Variants in C6 observed in about 807,000 individuals in gnomAD.
C6 encodes complement component C6.
Under a neutral mutation model 112.9 loss-of-function variants are expected in C6, and 101 were observed. The ratio of observed to expected loss-of-function variants is 0.89; its 90% CI spans 0.76 to 1.06. The LOEUF (loss-of-function observed/expected upper bound fraction) is 1.06, where lower values mean the gene tolerates loss of function less well. Ranked by LOEUF, C6 falls within the 50% of genes least tolerant of loss-of-function variation. C6 has a pLI of 0.00. For missense variants in C6, 1,202 were observed against 1,104.6 expected (o/e 1.09, Z -1.25); for synonymous variants, 431 against 384.1 (o/e 1.12, Z -1.43).
At chr5:41,244,217 A>G (rs936770975) in intron 1 of C6, among the ~76,000 whole-genome samples, 5 of 152,246 alleles carry the variant, frequency 3.3e-5, no homozygotes, top group African/African-American at 1.2e-4. Flanking sequence ...ATAACTTATT[A>G]TAAGTTCCTC....
At chr5:41,236,261 G>A (rs1740293308) in intron 1 of C6, among the ~76,000 whole-genome samples, 1 of 103,140 alleles carries the variant, frequency 9.7e-6, no homozygotes, top group Non-Finnish European at 1.9e-5. Context: ...TGTATAAGGT[G>A]TAAGGAAGGG....
At chr5:41,144,343 C>T (rs1372766597) in intron 17 of C6, among the ~76,000 whole-genome samples, 1 of 152,124 alleles carries the variant, frequency 6.6e-6, no homozygotes, top group East Asian at 1.9e-4. Flanking sequence ...TCATGGCTCA[C>T]TGCACCCTCG....
chr5:41,217,196 G>A (rs11959515), upstream of C6, among the ~76,000 whole-genome samples: 1 of 151,820 alleles, frequency 6.6e-6, no homozygotes, highest in Non-Finnish European at 1.5e-5. Flanking sequence ...TCACACTTTA[G>A]ATCAGATGCT....
Position 41,142,570 on chromosome 5 carries a change from A to G in C6, c.*255T>C. On this transcript the variant is annotated 3_prime_UTR_variant, in exon 18 of 18. Transcript: ENST00000337836. ...GTCACATTATTTTTGTACAATGTGA[A>G]CAGGAGAATTTACGAGACTGCTGTG... 1.9e-6 allele frequency: 1 copy of G among 529,890 alleles called. No individual in the cohort carries two copies. The highest frequency in any genetic ancestry group is 3.4e-6 in the Non-Finnish European group (1 of 292,330). The allele number at this position is 529,890 out of a possible 1,614,324, so 32.8% of individuals were successfully genotyped here.
At chr5:41,259,088 G>T (rs1741887302) in intron 1 of C6, among the ~76,000 whole-genome samples, 1 of 152,198 alleles carries the variant, frequency 6.6e-6, no homozygotes, top group South Asian at 2.1e-4. Flanking sequence ...CTGGGTCACT[G>T]TCACAGATGA....
chr5:41,206,226 T>A (rs1277942453), intron 1 of C6, among the ~76,000 whole-genome samples: 1 of 152,140 alleles, frequency 6.6e-6, no homozygotes, highest in Non-Finnish European at 1.5e-5. Flanking sequence ...TACGTCACCA[T>A]CATCAAAGAC....
intron 1 of C6, among the ~76,000 whole-genome samples, chr5:41,205,303 G>A (rs774048963): frequency 5.3e-5 from 8 of 152,196 alleles, no homozygotes; most frequent in Non-Finnish European, 7.3e-5. Flanking sequence ...AGCTCCTAGT[G>A]TGAGAGACAC....
intron 8 of C6, among the ~76,000 whole-genome samples, chr5:41,173,729 G>A (rs1423409): frequency 0.026 from 3,879 of 151,604 alleles, 70 homozygotes; most frequent in Non-Finnish European, 0.04. Flanking sequence ...GGCATAGATC[G>A]CTGAGAAATG....
At chr5:41,189,257 T>C (rs892624016) in intron 5 of C6, among the ~76,000 whole-genome samples, 1 of 152,038 alleles carries the variant, frequency 6.6e-6, no homozygotes, top group African/African-American at 2.4e-5. Context: ...CATAAGACCC[T>C]GCAATTCCAT....
At chr5:41,146,156 G>A (rs1226398827) in intron 17 of C6, among the ~76,000 whole-genome samples, 1 of 152,152 alleles carries the variant, frequency 6.6e-6, no homozygotes, top group East Asian at 1.9e-4. Context: ...CTAAATGGAT[G>A]TTGGCTGAAA....
In C6 at chr5:41,248,934, G is replaced by A. The variant is rs186161335; in HGVS notation, c.-21+12260C>T. Among the ~76,000 whole-genome samples, 52 of 152,174 alleles carry A rather than the reference G, an allele frequency of 3.4e-4. No individual in the cohort carries two copies. The East Asian group carries it at 8.5e-3, about 25-fold the overall frequency. On this transcript the variant is annotated intron_variant, in intron 1 of 17. Transcript: ENST00000263413. ...GAATGAATCTAGGTGGTCATCAATG[G>A]TGGATTGGTATATATACACTGTGGA...
chr5:41,260,258 C>T (rs940704227), intron 1 of C6, among the ~76,000 whole-genome samples: 2 of 151,552 alleles, frequency 1.3e-5, no homozygotes, highest in African/African-American at 2.4e-5. Context: ...TGAACACACA[C>T]ACAAACACAC....
At chr5:41,241,726 T>C (rs1234225161) in intron 1 of C6, among the ~76,000 whole-genome samples, 2 of 152,166 alleles carry the variant, frequency 1.3e-5, no homozygotes, top group African/African-American at 2.4e-5. Flanking sequence ...GATGGTATGA[T>C]AGGAAATGTG....
chr5:41,160,677 G>A (rs1055909776), intron 10 of C6, among the ~76,000 whole-genome samples: 3 of 152,108 alleles, frequency 2.0e-5, no homozygotes, highest in African/African-American at 7.2e-5. Context: ...CACTGAGATA[G>A]GTGACCAAGA....
intron 1 of C6, among the ~76,000 whole-genome samples, chr5:41,209,112 A>G (rs1751682863): frequency 4.6e-5 from 7 of 152,230 alleles, no homozygotes; most frequent in Admixed American, 4.6e-4. Context: ...AGAACCAACG[A>G]CAAAAACCAC....
chr5:41,145,072 T>A (rs1007090624), intron 17 of C6, among the ~76,000 whole-genome samples: 2 of 152,236 alleles, frequency 1.3e-5, no homozygotes, highest in African/African-American at 4.8e-5. Flanking sequence ...TATGATAGAA[T>A]GATTTATACC....
intron 5 of C6, among the ~76,000 whole-genome samples, chr5:41,189,291 T>C (rs373209357): frequency 1.3e-5 from 2 of 152,146 alleles, no homozygotes; most frequent in East Asian, 3.9e-4. Flanking sequence ...TGAAAGAGAA[T>C]TGAAAATATA....
At chr5:41,206,463 G>A (rs1751443200) in intron 1 of C6, among the ~76,000 whole-genome samples, 1 of 152,104 alleles carries the variant, frequency 6.6e-6, no homozygotes, top group Non-Finnish European at 1.5e-5. Flanking sequence ...ATTGCAAAGA[G>A]GCTAAAAACC....
intron 1 of C6, among the ~76,000 whole-genome samples, chr5:41,260,910 G>T (rs1246647835): frequency 6.6e-6 from 1 of 152,168 alleles, no homozygotes; most frequent in Non-Finnish European, 1.5e-5. Flanking sequence ...GAACAAGTTA[G>T]ATTTGACAAA....
Sources: gnomAD v4.1 joint callset for allele counts (sites outside exome capture counted in the v4.1 genomes callset) on GRCh38, gnomAD v4.1.1 for gene constraint, MANE v1.5 for transcripts, NCBI Gene and HGNC (gene_info 2026-07-23, HGNC 2026-07-21) for gene names.